The following MEGF11 variants were observed in gnomAD, a reference collection of about 807,000 sequenced individuals.
The protein encoded by MEGF11 is multiple epidermal growth factor-like domains protein 11.
A neutral mutation model predicts 146.6 loss-of-function variants in MEGF11; 126 were observed. The observed-to-expected ratio is 0.86, with a 90% CI of 0.74 to 1.00. The LOEUF (loss-of-function observed/expected upper bound fraction) is 1.00. MEGF11 is among the 50% of genes least tolerant of loss of function. The pLI is 0.00. For synonymous variants in MEGF11, 532 were observed against 583.4 expected, an observed-to-expected ratio of 0.91 and a Z score of 1.27; for missense variants, 1,509 against 1,521.2, an observed-to-expected ratio of 0.99 and a Z score of 0.13.
At chr15:66,098,177 C>T (rs552281839) in intron 4 of MEGF11, among the ~76,000 whole-genome samples, 2 of 152,300 alleles carry the variant, frequency 1.3e-5, no homozygotes, top group South Asian at 2.1e-4. Context: ...AGCAGGTGAG[C>T]TTGCATAAGC....
In MEGF11 at chr15:65,916,170, G is replaced by A; in HGVS notation, c.2322C>T (p.Phe774=). ...TACTCTGCTCACAGTGTTGCCCGGT[G>A]AAGCCTGTGCGGCAGGTGCACTTGC... ...ISGKCTCRTG[F]TGQHCEQRCA... Residue 774 remains phenylalanine, a synonymous_variant, in exon 18 of 26, where the codon TTC becomes TTT. Coordinates refer to ENST00000395614, the MANE Select transcript of MEGF11 (RefSeq NM_001385028.1). The A allele has an allele frequency of 6.3e-7, 1 of 1,590,550 alleles. No individual in the cohort carries two copies. Among genetic ancestry groups the A allele is most frequent in the Non-Finnish European group, 8.6e-7 (1 of 1,168,212 alleles).
chr15:66,013,977 G>C (rs565148885), intron 5 of MEGF11, among the ~76,000 whole-genome samples: 26 of 152,232 alleles, frequency 1.7e-4, no homozygotes, highest in Non-Finnish European at 3.1e-4. Flanking sequence ...AGTGACTGCA[G>C]GCTTTGAGCA....
chr15:66,093,951 T>A (rs887348262), intron 5 of MEGF11, among the ~76,000 whole-genome samples: 3 of 152,102 alleles, frequency 2.0e-5, no homozygotes, highest in Non-Finnish European at 2.9e-5. Context: ...CACAGAGACA[T>A]CCCAAATGTC....
chr15:66,184,323 A>T (rs2090635246), intron 1 of MEGF11, among the ~76,000 whole-genome samples: 1 of 152,028 alleles, frequency 6.6e-6, no homozygotes, highest in Non-Finnish European at 1.5e-5. Context: ...CTTCAACCTG[A>T]GCTGAGCAGC....
At chr15:66,168,079 C>CTCA (rs970067785) in intron 1 of MEGF11, among the ~76,000 whole-genome samples, 3 of 152,074 alleles carry the variant, frequency 2.0e-5, no homozygotes, top group Admixed American at 2.0e-4. Context: ...TACGCGATTC[C>CTCA]TCCTATCAAA....
chr15:66,068,073 A>G (rs2140452119), intron 5 of MEGF11, among the ~76,000 whole-genome samples: 1 of 152,326 alleles, frequency 6.6e-6, no homozygotes, highest in South Asian at 2.1e-4. Flanking sequence ...GTTGAGGATC[A>G]AGTAAGCTAG....
chr15:66,167,504 G>T (rs1399090314), intron 1 of MEGF11, among the ~76,000 whole-genome samples: 1 of 152,100 alleles, frequency 6.6e-6, no homozygotes, highest in Non-Finnish European at 1.5e-5. Context: ...AATTAGCCAG[G>T]CATGGTGGCG....
intron 4 of MEGF11, among the ~76,000 whole-genome samples, chr15:66,118,453 C>A (rs911560553): frequency 6.6e-6 from 1 of 152,202 alleles, no homozygotes; most frequent in African/African-American, 2.4e-5. Flanking sequence ...CTAAGGCCTG[C>A]ATTTTCTGAG....
intron 5 of MEGF11, among the ~76,000 whole-genome samples, chr15:66,055,949 G>A (rs568201006): frequency 2.6e-4 from 40 of 152,260 alleles, no homozygotes; most frequent in Non-Finnish European, 4.7e-4. Flanking sequence ...TGGATGGAAG[G>A]CTTCGGGAAA....
chr15:66,113,156 G>A (rs146379986), intron 4 of MEGF11, among the ~76,000 whole-genome samples: 126 of 152,002 alleles, frequency 8.3e-4, no homozygotes, highest in Middle Eastern at 6.8e-3. Context: ...GAGTCCACCC[G>A]TGAGGCCAGT....
intron 10 of MEGF11, among the ~76,000 whole-genome samples, chr15:65,939,415 G>A (rs1056841144): frequency 6.6e-6 from 1 of 152,052 alleles, no homozygotes; most frequent in African/African-American, 2.4e-5. Context: ...TGACAAGCAA[G>A]GCACTGTGAT....
chr15:66,145,974 C>G (rs1385243562), intron 1 of MEGF11, among the ~76,000 whole-genome samples: 1 of 152,170 alleles, frequency 6.6e-6, no homozygotes, highest in African/African-American at 2.4e-5. Context: ...GCACAGTAAA[C>G]AGAAGCTACT....
intron 5 of MEGF11, among the ~76,000 whole-genome samples, chr15:66,038,729 CCT>C (rs2083826330): frequency 6.6e-6 from 1 of 152,190 alleles, no homozygotes. Flanking sequence ...CCCGGTTCTG[CCT>C]CTGAGTCCTG....
chr15:66,141,279 T>A (rs150582093), intron 1 of MEGF11, among the ~76,000 whole-genome samples: 1,782 of 118,760 alleles, frequency 0.015, 39 homozygotes, highest in African/African-American at 0.048. Flanking sequence ...TGTGTGTGTG[T>A]GTGTGTGTGT....
At chr15:66,167,135 G>A (rs1374835208) in intron 1 of MEGF11, among the ~76,000 whole-genome samples, 1 of 152,108 alleles carries the variant, frequency 6.6e-6, no homozygotes, top group Non-Finnish European at 1.5e-5. Context: ...CATGGAGCTG[G>A]GCATCTTGAT....
intron 1 of MEGF11, among the ~76,000 whole-genome samples, chr15:66,171,994 A>T (rs957160965): frequency 6.6e-6 from 1 of 152,010 alleles, no homozygotes; most frequent in Non-Finnish European, 1.5e-5. Context: ...ACACCGCTTC[A>T]CCCCACACTG....
intron 5 of MEGF11, among the ~76,000 whole-genome samples, chr15:66,094,177 A>G (rs562233295): frequency 6.6e-6 from 1 of 152,268 alleles, no homozygotes; most frequent in Non-Finnish European, 1.5e-5. Context: ...AATTCCCTAC[A>G]CATACAACAC....
chr15:66,153,291 T>C (rs2089634946), intron 1 of MEGF11, among the ~76,000 whole-genome samples: 1 of 152,174 alleles, frequency 6.6e-6, no homozygotes, highest in African/African-American at 2.4e-5. Flanking sequence ...AAAGCAGTTC[T>C]GGGCCAGGCG....
chr15:65,992,456 G>C (rs969140785), intron 5 of MEGF11, among the ~76,000 whole-genome samples: 2 of 144,928 alleles, frequency 1.4e-5, no homozygotes, highest in African/African-American at 5.2e-5. Context: ...TGTGTGGGGG[G>C]GGGGGTTAGT....
Sources: gnomAD v4.1 joint callset for allele counts (sites outside exome capture counted in the v4.1 genomes callset) on GRCh38, gnomAD v4.1.1 for gene constraint, MANE v1.5 for transcripts, NCBI Gene and HGNC (gene_info 2026-07-23, HGNC 2026-07-21) for gene names.